Variants in PRKN observed in about 807,000 individuals in gnomAD.
The protein encoded by PRKN is E3 ubiquitin-protein ligase parkin.
Under a neutral mutation model 59.5 loss-of-function variants are expected in PRKN, and 56 were observed. That is an observed-to-expected ratio of 0.94 (90% CI 0.76 to 1.18). PRKN has a LOEUF of 1.18. Ranked by LOEUF, PRKN falls within the 50% of genes most tolerant of loss-of-function variation. PRKN has a pLI of 0.00. For synonymous variants in PRKN, 250 were observed against 222.1 expected (o/e 1.13, Z -1.12); for missense variants, 657 against 596.4 (o/e 1.10, Z -1.06).
At chr6:162,379,015 T>C (rs753161737) in intron 2 of PRKN, among the ~76,000 whole-genome samples, 1 of 152,218 alleles carries the variant, frequency 6.6e-6, no homozygotes, top group Non-Finnish European at 1.5e-5. Context: ...TGAAAACAAC[T>C]GGCAGGCCTT....
chr6:162,618,039 G>T (rs997222911), intron 1 of PRKN, among the ~76,000 whole-genome samples: 1 of 151,988 alleles, frequency 6.6e-6, no homozygotes, highest in Non-Finnish European at 1.5e-5. Context: ...GTAGACTGAG[G>T]GTTTAAACCC....
chr6:161,384,735 A>T (rs1329518062), intron 10 of PRKN, among the ~76,000 whole-genome samples: 1 of 152,060 alleles, frequency 6.6e-6, no homozygotes, highest in Non-Finnish European at 1.5e-5. Context: ...GTCCTTTACC[A>T]CACCATCCTG....
intron 1 of PRKN, among the ~76,000 whole-genome samples, chr6:162,533,742 G>A (rs952158501): frequency 1.3e-4 from 20 of 151,938 alleles, no homozygotes; most frequent in African/African-American, 3.4e-4. Flanking sequence ...AGGCCGAGGC[G>A]GGCGGATCAC....
At chr6:162,685,972 C>G (rs1185990343) in intron 1 of PRKN, among the ~76,000 whole-genome samples, 1 of 152,068 alleles carries the variant, frequency 6.6e-6, no homozygotes, top group Admixed American at 6.6e-5. Context: ...GGTAAGCAAG[C>G]CTGTTTATAG....
intron 5 of PRKN, among the ~76,000 whole-genome samples, chr6:162,029,364 T>C (rs533240600): frequency 6.6e-6 from 1 of 152,342 alleles, no homozygotes; most frequent in African/African-American, 2.4e-5. Flanking sequence ...TGAAGGACCT[T>C]TCTTCAAGGT....
chr6:161,490,849 G>A (rs1200861171), intron 9 of PRKN, among the ~76,000 whole-genome samples: 1 of 152,096 alleles, frequency 6.6e-6, no homozygotes, highest in Non-Finnish European at 1.5e-5. Flanking sequence ...GTGATCATGA[G>A]TGAGTTATCG....
chr6:162,387,553 CACAGAGAGAGAGAG>C (rs1294650593), intron 2 of PRKN, among the ~76,000 whole-genome samples: 99 of 80,248 alleles, frequency 1.2e-3, no homozygotes, highest in South Asian at 6.2e-3. Flanking sequence ...CACACACACA[CACAGAGAGAGAGAG>C]AGAGAGAGAG....
At chr6:162,290,351 T>C (rs1781373003) in intron 2 of PRKN, among the ~76,000 whole-genome samples, 1 of 152,202 alleles carries the variant, frequency 6.6e-6, no homozygotes, top group Admixed American at 6.5e-5. Context: ...TTTTCCACTC[T>C]TGAGTGGCCT....
At chr6:162,201,501 C>G (rs770124446) in intron 3 of PRKN, among the ~76,000 whole-genome samples, 4 of 152,142 alleles carry the variant, frequency 2.6e-5, no homozygotes, top group Non-Finnish European at 5.9e-5. Context: ...AAGTAAGCAG[C>G]CTACTGCCAA....
At chr6:161,692,671 G>GA in intron 7 of PRKN, among the ~76,000 whole-genome samples, 1 of 152,348 alleles carries the variant, frequency 6.6e-6, no homozygotes, top group East Asian at 1.9e-4. Flanking sequence ...CTGGGAGGCT[G>GA]AGGGGGGCGG....
At chr6:162,612,146 T>C (rs1434360396) in intron 1 of PRKN, among the ~76,000 whole-genome samples, 1 of 130,196 alleles carries the variant, frequency 7.7e-6, no homozygotes, top group Non-Finnish European at 1.5e-5. Context: ...TGAGCTGAGA[T>C]CGCGCCACTG....
At chr6:162,657,947 C>T (rs1489878962) in intron 1 of PRKN, among the ~76,000 whole-genome samples, 2 of 152,130 alleles carry the variant, frequency 1.3e-5, no homozygotes, top group Non-Finnish European at 2.9e-5. Context: ...AAGAAGATGA[C>T]ATAGGTATTT....
At chr6:161,970,774 G>A (rs1299128339) in intron 6 of PRKN, among the ~76,000 whole-genome samples, 2 of 152,086 alleles carry the variant, frequency 1.3e-5, no homozygotes, top group African/African-American at 4.8e-5. Context: ...CTGACCTCAG[G>A]TGATCCACCT....
At chr6:161,668,452 GA>G (rs2128168009) in intron 7 of PRKN, among the ~76,000 whole-genome samples, 1 of 152,116 alleles carries the variant, frequency 6.6e-6, no homozygotes, top group East Asian at 1.9e-4. Context: ...ATGAGTACAG[GA>G]AAAACCCATC....
chr6:161,752,579 G>A (rs979772153), intron 7 of PRKN, among the ~76,000 whole-genome samples: 1 of 151,050 alleles, frequency 6.6e-6, no homozygotes, highest in African/African-American at 2.4e-5. Context: ...TGTAGTCCCA[G>A]ATACTCAGGA....
chr6:161,630,405 A>T (rs1356842436), intron 7 of PRKN, among the ~76,000 whole-genome samples: 1 of 152,184 alleles, frequency 6.6e-6, no homozygotes, highest in African/African-American at 2.4e-5. Flanking sequence ...TGTCCCCAAT[A>T]AATGGAAGTT....
At chr6:161,408,371 C>T (rs1319666621) in intron 9 of PRKN, among the ~76,000 whole-genome samples, 2 of 148,496 alleles carry the variant, frequency 1.3e-5, no homozygotes, top group African/African-American at 2.5e-5. Flanking sequence ...GTTAAAATTG[C>T]GGACATGTGG....
intron 1 of PRKN, among the ~76,000 whole-genome samples, chr6:162,445,604 A>G (rs563956358): frequency 1.4e-4 from 19 of 140,246 alleles, no homozygotes; most frequent in African/African-American, 4.5e-4. Flanking sequence ...AGGTGGGATG[A>G]CTGTGTAAGC....
At chr6:161,995,020 C>A (rs2128260123) in intron 5 of PRKN, among the ~76,000 whole-genome samples, 1 of 151,834 alleles carries the variant, frequency 6.6e-6, no homozygotes. Context: ...GGAGGCATCA[C>A]ACTACCTGAT....
Sources: allele counts gnomAD v4.1 joint callset (sites outside exome capture counted in the v4.1 genomes callset), GRCh38; gene constraint gnomAD v4.1.1; transcripts MANE v1.5; gene names NCBI Gene and HGNC (gene_info 2026-07-23, HGNC 2026-07-21).